DCC: variants seen among roughly 807,000 people sequenced by gnomAD.
DCC encodes DCC netrin 1 receptor.
Under a neutral mutation model 172.5 loss-of-function variants are expected in DCC, and 58 were observed. The observed-to-expected ratio is 0.34, with a 90% CI of 0.27 to 0.42. The LOEUF (loss-of-function observed/expected upper bound fraction) is 0.42. Ranked by LOEUF, DCC falls within the 10% of genes least tolerant of loss-of-function variation. The pLI is 1.00. For missense variants in DCC, 1,740 were observed against 1,791.0 expected (o/e 0.97, Z 0.51); for synonymous variants, 709 against 644.5 (o/e 1.10, Z -1.52).
intron 2 of DCC, among the ~76,000 whole-genome samples, chr18:52,777,361 G>A (rs1382751109): frequency 2.0e-5 from 3 of 152,160 alleles, no homozygotes; most frequent in Admixed American, 2.0e-4. Context: ...GGCCCCATAA[G>A]TTATTTGGCT....
At chr18:52,466,354 T>C (rs2144550587) in intron 1 of DCC, among the ~76,000 whole-genome samples, 1 of 152,286 alleles carries the variant, frequency 6.6e-6, no homozygotes, top group Non-Finnish European at 1.5e-5. Context: ...GAAGTACAGC[T>C]ATGAAATAAA....
chr18:52,649,973 ATT>A (rs71175512), intron 1 of DCC, among the ~76,000 whole-genome samples: 35,837 of 106,542 alleles, frequency 0.34, 3,891 homozygotes, highest in Non-Finnish European at 0.35. Flanking sequence ...TGATAGTTCT[ATT>A]TTTTTTTTTT....
At chr18:53,118,400 A>G (rs920709464) in intron 7 of DCC, among the ~76,000 whole-genome samples, 1 of 151,814 alleles carries the variant, frequency 6.6e-6, no homozygotes, top group African/African-American at 2.4e-5. Flanking sequence ...TCACGCATAA[A>G]GAAACCTCAT....
At chr18:53,341,676 C>T (rs1390166013) in intron 15 of DCC, among the ~76,000 whole-genome samples, 1 of 152,144 alleles carries the variant, frequency 6.6e-6, no homozygotes, top group Non-Finnish European at 1.5e-5. Context: ...TAAATATCCT[C>T]ATGGTTATGC....
At chr18:52,493,469 G>C (rs1268365427) in intron 1 of DCC, among the ~76,000 whole-genome samples, 1 of 152,018 alleles carries the variant, frequency 6.6e-6, no homozygotes. Context: ...AAAAGTGAAA[G>C]TTCTGATATT....
intron 1 of DCC, among the ~76,000 whole-genome samples, chr18:52,729,897 C>T (rs1443321767): frequency 6.6e-6 from 1 of 152,056 alleles, no homozygotes; most frequent in Non-Finnish European, 1.5e-5. Context: ...AAGACAGAGA[C>T]ATGAAAAAGA....
chr18:53,088,729 AT>A (rs2042958848), intron 7 of DCC, among the ~76,000 whole-genome samples: 1 of 152,132 alleles, frequency 6.6e-6, no homozygotes, highest in African/African-American at 2.4e-5. Context: ...ATGGTAGAGT[AT>A]TTTCTTAAAC....
At chr18:53,117,177 T>C (rs1036016675) in intron 7 of DCC, among the ~76,000 whole-genome samples, 1 of 151,774 alleles carries the variant, frequency 6.6e-6, no homozygotes, top group Non-Finnish European at 1.5e-5. Context: ...GTGAGATCAT[T>C]TAATCCATTT....
At chr18:53,021,757 T>A (rs1334157631) in intron 5 of DCC, among the ~76,000 whole-genome samples, 1 of 152,254 alleles carries the variant, frequency 6.6e-6, no homozygotes, top group East Asian at 1.9e-4. Context: ...TCACTGTTAA[T>A]TCTAGCTGTA....
At chr18:53,393,857 C>T (rs940646164) in intron 17 of DCC, among the ~76,000 whole-genome samples, 1 of 150,656 alleles carries the variant, frequency 6.6e-6, no homozygotes, top group Non-Finnish European at 1.5e-5. Flanking sequence ...CTCTTCCCTT[C>T]ATCCTCCCTG....
At chr18:53,117,669 C>T (rs1466846478) in intron 7 of DCC, among the ~76,000 whole-genome samples, 2 of 143,572 alleles carry the variant, frequency 1.4e-5, no homozygotes, top group Non-Finnish European at 3.1e-5. Context: ...TCCTCTACAG[C>T]AGAGGTCAGC....
chr18:52,493,281 C>T (rs1057384084), intron 1 of DCC, among the ~76,000 whole-genome samples: 1 of 152,036 alleles, frequency 6.6e-6, no homozygotes, highest in African/African-American at 2.4e-5. Context: ...AGAGGATTGA[C>T]TCTGGCAAGT....
chr18:53,331,764 CA>C (rs1198735004), intron 14 of DCC, among the ~76,000 whole-genome samples: 2 of 151,798 alleles, frequency 1.3e-5, no homozygotes, highest in Non-Finnish European at 2.9e-5. Context: ...ATTTTTGGGC[CA>C]AAAAAGGGCT....
At chr18:52,380,590 C>T (rs556717671) in intron 1 of DCC, among the ~76,000 whole-genome samples, 109 of 152,166 alleles carry the variant, frequency 7.2e-4, no homozygotes, top group African/African-American at 2.4e-3. Flanking sequence ...CACTGGATTT[C>T]GAGATTTAAC....
intron 1 of DCC, among the ~76,000 whole-genome samples, chr18:52,642,014 G>GTATATATATA (rs1193018662): frequency 1.2e-4 from 4 of 34,526 alleles, no homozygotes; most frequent in African/African-American, 3.4e-4. Flanking sequence ...GTGTGTGTGT[G>GTATATATATA]TATATATATA....
intron 5 of DCC, among the ~76,000 whole-genome samples, chr18:53,024,776 G>A (rs2041933630): frequency 6.6e-6 from 1 of 152,074 alleles, no homozygotes; most frequent in Non-Finnish European, 1.5e-5. Flanking sequence ...AAATTTTTAT[G>A]AGCAATGGGA....
chr18:53,472,843 AAAAAC>A (rs1385981433), intron 25 of DCC, among the ~76,000 whole-genome samples: 4 of 152,182 alleles, frequency 2.6e-5, no homozygotes, highest in Non-Finnish European at 5.9e-5. Context: ...GTCTGCCAAG[AAAAAC>A]AAAACAAACC....
At chr18:53,129,383 G>T (rs965070292) in intron 7 of DCC, among the ~76,000 whole-genome samples, 1 of 151,928 alleles carries the variant, frequency 6.6e-6, no homozygotes, top group East Asian at 1.9e-4. Flanking sequence ...ACTGAATTTT[G>T]ACAATTTTAT....
intron 1 of DCC, among the ~76,000 whole-genome samples, chr18:52,667,781 AAGT>A (rs2035482047): frequency 2.6e-5 from 4 of 152,194 alleles, no homozygotes; most frequent in Non-Finnish European, 5.9e-5. Flanking sequence ...GAAAGAAAGA[AAGT>A]AAAAGAAATT....
Sources: gnomAD v4.1 joint callset for allele counts (sites outside exome capture counted in the v4.1 genomes callset) on GRCh38, gnomAD v4.1.1 for gene constraint, MANE v1.5 for transcripts, NCBI Gene and HGNC (gene_info 2026-07-23, HGNC 2026-07-21) for gene names.